The following CDH12 variants were observed in gnomAD, a reference collection of about 807,000 sequenced individuals.
CDH12 encodes cadherin 12, also known as cadherin-12.
CDH12 carries 41 observed loss-of-function variants against 74.1 expected under a neutral mutation model. The ratio of observed to expected loss-of-function variants is 0.55; its 90% CI spans 0.43 to 0.72. The LOEUF is 0.72. CDH12 is among the 30% of genes least tolerant of loss of function. The pLI, the probability that CDH12 is intolerant of heterozygous loss-of-function variation, is 0.00. For synonymous variants in CDH12, 399 were observed against 355.0 expected (o/e 1.12, Z -1.39); for missense variants, 945 against 977.2 (o/e 0.97, Z 0.44).
intron 1 of CDH12, among the ~76,000 whole-genome samples, chr5:22,779,229 G>A (rs1042301486): frequency 3.3e-5 from 5 of 152,092 alleles, no homozygotes; most frequent in African/African-American, 9.7e-5. Context: ...TGAGAAACAC[G>A]AAGCGAAAAT....
chr5:22,610,246 T>C (rs1737327909), intron 1 of CDH12, among the ~76,000 whole-genome samples: 1 of 152,198 alleles, frequency 6.6e-6, no homozygotes, highest in Non-Finnish European at 1.5e-5. Flanking sequence ...GACTAGGTTC[T>C]TATATCATGT....
chr5:22,386,116 T>C (rs960572600), intron 3 of CDH12, among the ~76,000 whole-genome samples: 1 of 152,068 alleles, frequency 6.6e-6, no homozygotes, highest in Non-Finnish European at 1.5e-5. Context: ...GGTCTCAAAC[T>C]CCCGACCTCA....
chr5:22,792,867 G>T (rs1280091629), intron 1 of CDH12, among the ~76,000 whole-genome samples: 1 of 152,150 alleles, frequency 6.6e-6, no homozygotes, highest in African/African-American at 2.4e-5. Flanking sequence ...TCACCTATCA[G>T]ATTTTATATA....
chr5:22,663,797 G>A (rs536778429), intron 1 of CDH12, among the ~76,000 whole-genome samples: 69 of 147,642 alleles, frequency 4.7e-4, no homozygotes, highest in African/African-American at 1.6e-3. Flanking sequence ...GATACATAAT[G>A]AGCCATGATA....
intron 3 of CDH12, among the ~76,000 whole-genome samples, chr5:22,373,000 C>T (rs1028092252): frequency 6.6e-6 from 1 of 152,138 alleles, no homozygotes; most frequent in Non-Finnish European, 1.5e-5. Flanking sequence ...AGGCAGATCC[C>T]TAGGGCAGCC....
chr5:22,526,514 G>A (rs1406106335), intron 1 of CDH12, among the ~76,000 whole-genome samples: 1 of 152,140 alleles, frequency 6.6e-6, no homozygotes, highest in Non-Finnish European at 1.5e-5. Flanking sequence ...CCATTTGCCA[G>A]ATCAATAGCT....
intron 1 of CDH12, among the ~76,000 whole-genome samples, chr5:22,570,450 T>C (rs968325865): frequency 6.6e-6 from 1 of 152,112 alleles, no homozygotes; most frequent in African/African-American, 2.4e-5. Flanking sequence ...AAAATAACAT[T>C]AATCCCTGCG....
intron 3 of CDH12, among the ~76,000 whole-genome samples, chr5:22,390,992 A>C (rs555278114): frequency 3.9e-5 from 6 of 152,292 alleles, no homozygotes; most frequent in African/African-American, 9.6e-5. Flanking sequence ...ATGATGCTAC[A>C]TTCTATGATA....
intron 4 of CDH12, among the ~76,000 whole-genome samples, chr5:22,107,374 C>T (rs934512453): frequency 6.6e-6 from 1 of 151,526 alleles, no homozygotes; most frequent in African/African-American, 2.4e-5. Context: ...TCAGGTGATC[C>T]GTCCGTCTTG....
chr5:22,490,487 T>C lies in CDH12; in HGVS notation c.-428+14783A>G, dbSNP rs147594086. Among the ~76,000 whole-genome samples, 572 of 151,820 alleles carry C rather than the reference T, an allele frequency of 3.8e-3. 1 individual carries two copies. Among genetic ancestry groups the C allele is most frequent in the Admixed American group, 7.0e-3 (106 of 15,250 alleles). On this transcript the variant is annotated intron_variant, in intron 2 of 14. Transcript: ENST00000382254. Reference sequence around the variant, plus strand: ...CCATTTCATATCGAGAACAGGAGAATTGAGAAAGAGAAAGTGCTGATAAAT... The same window carrying C: ...CCATTTCATATCGAGAACAGGAGAACTGAGAAAGAGAAAGTGCTGATAAAT...
intron 1 of CDH12, among the ~76,000 whole-genome samples, chr5:22,830,502 T>C (rs1736551363): frequency 1.3e-5 from 2 of 151,844 alleles, no homozygotes; most frequent in African/African-American, 4.8e-5. Flanking sequence ...TTATAATTAA[T>C]ATATATAATT....
intron 3 of CDH12, among the ~76,000 whole-genome samples, chr5:22,244,613 A>AGGAGGGAGGGAAGGAAG (rs1752861732): frequency 7.8e-6 from 1 of 128,702 alleles, no homozygotes; most frequent in Admixed American, 7.9e-5. Context: ...AGAGAAAGGA[A>AGGAGGGAGGGAAGGAAG]GGAGGGAGGG....
intron 1 of CDH12, among the ~76,000 whole-genome samples, chr5:22,801,257 C>CATAG (rs1748494774): frequency 6.6e-6 from 1 of 152,058 alleles, no homozygotes; most frequent in Admixed American, 6.6e-5. Flanking sequence ...GCAGTGGTTC[C>CATAG]ATAGACTTTT....
intron 4 of CDH12, among the ~76,000 whole-genome samples, chr5:22,195,405 G>A (rs1750562701): frequency 6.6e-6 from 1 of 152,168 alleles, no homozygotes; most frequent in African/African-American, 2.4e-5. Flanking sequence ...TACATAGGTA[G>A]TAAGTGGTAG....
chr5:22,082,075 C>T (rs758660708), intron 4 of CDH12, among the ~76,000 whole-genome samples: 3 of 152,178 alleles, frequency 2.0e-5, no homozygotes, highest in African/African-American at 2.4e-5. Context: ...CTTCCACCCA[C>T]AAATTTTATA....
intron 1 of CDH12, among the ~76,000 whole-genome samples, chr5:22,562,849 T>G (rs1404804497): frequency 7.2e-6 from 1 of 139,164 alleles, no homozygotes; most frequent in Non-Finnish European, 1.5e-5. Flanking sequence ...TCATAAATGA[T>G]CTCTTATAGT....
At chr5:22,259,941 C>A (rs933040020) in intron 3 of CDH12, among the ~76,000 whole-genome samples, 1 of 151,832 alleles carries the variant, frequency 6.6e-6, no homozygotes, top group Non-Finnish European at 1.5e-5. Context: ...CTATAATTTA[C>A]CATACTGAAG....
intron 5 of CDH12, among the ~76,000 whole-genome samples, chr5:22,042,249 A>AT (rs2150184376): frequency 6.6e-6 from 1 of 152,226 alleles, no homozygotes; most frequent in Non-Finnish European, 1.5e-5. Flanking sequence ...AACTTAAGGA[A>AT]TTAGAAAAAC....
chr5:21,886,827 GT>G (rs1357489828), intron 6 of CDH12, among the ~76,000 whole-genome samples: 9 of 151,686 alleles, frequency 5.9e-5, no homozygotes, highest in African/African-American at 2.2e-4. Context: ...TTCAATATTT[GT>G]TTTTCTGTTT....
Sources: allele counts gnomAD v4.1 joint callset (sites outside exome capture counted in the v4.1 genomes callset), GRCh38; gene constraint gnomAD v4.1.1; transcripts MANE v1.5; gene names NCBI Gene and HGNC (gene_info 2026-07-23, HGNC 2026-07-21).